ARHGAP10: variants seen among roughly 807,000 people sequenced by gnomAD.
The protein encoded by ARHGAP10 is rho GTPase-activating protein 10.
A neutral mutation model predicts 108.6 loss-of-function variants in ARHGAP10; 87 were observed. That is an observed-to-expected ratio of 0.80 (90% CI 0.67 to 0.96). The LOEUF is 0.96. Ranked by LOEUF, ARHGAP10 falls within the 40% of genes least tolerant of loss-of-function variation. ARHGAP10 has a pLI of 0.00. For missense variants in ARHGAP10, 939 were observed against 954.5 expected (o/e 0.98, Z 0.21); for synonymous variants, 347 against 341.1 (o/e 1.02, Z -0.19).
intron 1 of ARHGAP10, among the ~76,000 whole-genome samples, chr4:147,761,096 T>G (rs1729570497): frequency 6.6e-6 from 1 of 151,712 alleles, no homozygotes; most frequent in Non-Finnish European, 1.5e-5. Context: ...AACCCACTGC[T>G]GCGTCCACCT....
chr4:147,784,531 A>G (rs1224098424), intron 1 of ARHGAP10, among the ~76,000 whole-genome samples: 6 of 25,228 alleles, frequency 2.4e-4, no homozygotes, highest in African/African-American at 3.9e-4. Flanking sequence ...TATAATATAA[A>G]ACATATATTT....
At position 147,891,826 on chromosome 4, in the gene ARHGAP10, T is replaced by C. The variant is rs552115898; in HGVS notation, c.1034+9894T>C. 3.1e-4 allele frequency among the ~76,000 whole-genome samples: 47 copies of C among 152,292 alleles called. No homozygotes were observed. The South Asian group carries it at 9.8e-3, about 32-fold the overall frequency. On this transcript the variant is annotated intron_variant, in intron 10 of 22. Coordinates refer to ENST00000336498, the MANE Select transcript of ARHGAP10 (RefSeq NM_024605.4). ...TGGATGTTTTCTCCATGGCAAGTTG[T>C]AGTCTGTCAGGAGGTGTAGCTTTCT...
At chr4:147,816,492 T>C (rs1231227804) in intron 1 of ARHGAP10, among the ~76,000 whole-genome samples, 1 of 152,220 alleles carries the variant, frequency 6.6e-6, no homozygotes, top group Non-Finnish European at 1.5e-5. Context: ...TAAGAATTCA[T>C]TACACAGACA....
At position 147,871,258 on chromosome 4, in the gene ARHGAP10, G is replaced by A. The variant is rs994423471; in HGVS notation, c.703-3763G>A. On this transcript the variant is annotated intron_variant, in intron 7 of 22. Transcript: ENST00000336498. Reference sequence around the variant, plus strand: ...TAGGTGTGAGCCACCACGTCCGGCCGTGTGTGTGTTTTTAAAAGAGATTAG... The same window carrying A: ...TAGGTGTGAGCCACCACGTCCGGCCATGTGTGTGTTTTTAAAAGAGATTAG... Among the ~76,000 whole-genome samples, 18 of 151,964 alleles carry A rather than the reference G, an allele frequency of 1.2e-4. 1 individual carries two copies. Among genetic ancestry groups the A allele is most frequent in the Admixed American group, 1.1e-3 (16 of 15,228 alleles).
At chr4:147,906,777 A>AT in intron 11 of ARHGAP10, 58 bp downstream of exon 11, 1 of 1,586,392 alleles carries the variant, frequency 6.3e-7, no homozygotes, top group Non-Finnish European at 8.7e-7. Flanking sequence ...ACTTGCATTC[A>AT]TTTTTATGTT....
chr4:147,783,745 A>C (rs1300274033), intron 1 of ARHGAP10, among the ~76,000 whole-genome samples: 2 of 146,260 alleles, frequency 1.4e-5, no homozygotes, highest in Non-Finnish European at 3.0e-5. Flanking sequence ...GTATTGTATA[A>C]TTTATAGAAC....
chr4:147,831,298 T>A (rs1732945810), intron 3 of ARHGAP10, among the ~76,000 whole-genome samples: 1 of 152,216 alleles, frequency 6.6e-6, no homozygotes, highest in Non-Finnish European at 1.5e-5. Flanking sequence ...TTCCAAAGGA[T>A]TTGAGACTAT....
chr4:148,049,994 A>G (rs986799700), intron 20 of ARHGAP10, among the ~76,000 whole-genome samples: 8 of 151,972 alleles, frequency 5.3e-5, no homozygotes, highest in African/African-American at 1.9e-4. Context: ...CAACCTCCCC[A>G]GTAGCTGGGA....
At chr4:147,785,187 T>C (rs1730838105) in intron 1 of ARHGAP10, among the ~76,000 whole-genome samples, 1 of 151,500 alleles carries the variant, frequency 6.6e-6, no homozygotes, top group Non-Finnish European at 1.5e-5. Flanking sequence ...AACAGAGTTT[T>C]TGAATGTTCA....
intron 18 of ARHGAP10, among the ~76,000 whole-genome samples, chr4:147,988,644 C>T (rs1161072912): frequency 6.6e-6 from 1 of 152,154 alleles, no homozygotes; most frequent in African/African-American, 2.4e-5. Context: ...GGTTAGGAAC[C>T]TAGAACCCTG....
chr4:147,896,400 T>G (rs1455488174), intron 10 of ARHGAP10, among the ~76,000 whole-genome samples: 1 of 152,188 alleles, frequency 6.6e-6, no homozygotes, highest in Non-Finnish European at 1.5e-5. Flanking sequence ...TATTCAGATT[T>G]TCTATTTTTC....
chr4:148,057,536 G>A lies in ARHGAP10; in HGVS notation c.2028-5612G>A, dbSNP rs150856274. ...GTTGGGAATAAGTGTACTAGTGCCT[G>A]CCTGTTGCATCTAGCACAGGGCTAG... On this transcript the variant is annotated intron_variant, in intron 20 of 22. Transcript: ENST00000336498. 1.1e-4 allele frequency among the ~76,000 whole-genome samples: 16 copies of A among 152,344 alleles called. No individual in the cohort carries two copies. In the East Asian group the frequency reaches 3.1e-3, roughly 29 times the overall value.
rs771145472 is a variant in ARHGAP10 at position 147,847,137 on chromosome 4, C to G, written c.313-14C>G. The G allele has an allele frequency of 6.2e-7, 1 of 1,607,086 alleles. No individual in the cohort carries two copies. The highest frequency in any genetic ancestry group is 1.1e-5 in the South Asian group (1 of 90,626). Reference sequence around the variant, plus strand: ...CTAATGCTGTGCTCTTTTGTTATCACTCTTGTTCTCTAGGCATTAAGTGTA... The same window carrying G: ...CTAATGCTGTGCTCTTTTGTTATCAGTCTTGTTCTCTAGGCATTAAGTGTA... On this transcript the variant is annotated splice_polypyrimidine_tract_variant and intron_variant, in intron 3 of 22. Transcript: ENST00000336498.
At chr4:147,994,703 A>G (rs1175884525) in intron 18 of ARHGAP10, among the ~76,000 whole-genome samples, 2 of 152,172 alleles carry the variant, frequency 1.3e-5, no homozygotes, top group African/African-American at 4.8e-5. Context: ...TTTCTAGGCT[A>G]TCCCATTCTT....
chr4:147,985,492 G>A (rs765588769), intron 18 of ARHGAP10, among the ~76,000 whole-genome samples: 30 of 152,148 alleles, frequency 2.0e-4, no homozygotes, highest in Non-Finnish European at 2.9e-4. Flanking sequence ...TGGCTACAGC[G>A]ACTCTCCTCT....
chr4:148,060,427 T>G (rs1729566630), intron 20 of ARHGAP10, among the ~76,000 whole-genome samples: 1 of 151,140 alleles, frequency 6.6e-6, no homozygotes, highest in African/African-American at 2.4e-5. Context: ...TGGCATCATC[T>G]GACGTGTACT....
At chr4:147,818,866 A>G (rs1338594408) in intron 1 of ARHGAP10, among the ~76,000 whole-genome samples, 2 of 152,258 alleles carry the variant, frequency 1.3e-5, no homozygotes, top group Admixed American at 6.5e-5. Context: ...ATTAAAAGAA[A>G]TAGAATATGG....
chr4:147,836,311 C>T (rs886149801), intron 3 of ARHGAP10, among the ~76,000 whole-genome samples: 1 of 152,062 alleles, frequency 6.6e-6, no homozygotes, highest in Non-Finnish European at 1.5e-5. Context: ...CAGAAGTTGT[C>T]AGAATTTCAG....
rs1191961331 is a variant in ARHGAP10 at position 148,019,355 on chromosome 4, G to A, written c.1717-3908G>A. On this transcript the variant is annotated intron_variant, in intron 18 of 22. Transcript: ENST00000336498. ...TTCTGGCTACTGTGTGCCAGGGACT[G>A]TACTGAACACTTTATAAACATTATG... is the stretch of plus-strand genomic sequence containing the variant. Among the ~76,000 whole-genome samples, 3 of 152,182 alleles carry A rather than the reference G, an allele frequency of 2.0e-5. No homozygotes were observed. In the East Asian group the frequency reaches 5.8e-4, roughly 29 times the overall value.
Sources: allele counts gnomAD v4.1 joint callset (sites outside exome capture counted in the v4.1 genomes callset), GRCh38; gene constraint gnomAD v4.1.1; transcripts MANE v1.5; gene names NCBI Gene and HGNC (gene_info 2026-07-23, HGNC 2026-07-21).